Variants in ADGRV1 observed in about 807,000 individuals in gnomAD.
The protein encoded by ADGRV1 is G-protein coupled receptor 98.
In ADGRV1, 359 loss-of-function variants were observed where a neutral mutation model predicts 596.2. The ratio of observed to expected loss-of-function variants is 0.60; its 90% confidence interval spans 0.55 to 0.66. The LOEUF (loss-of-function observed/expected upper bound fraction) is 0.66, where lower values mean the gene tolerates loss of function less well. ADGRV1 is among the 30% of genes least tolerant of loss of function. The pLI, the probability that ADGRV1 is intolerant of heterozygous loss-of-function variation, is 0.00. For missense variants in ADGRV1, 7,274 were observed against 7,575.6 expected (o/e 0.96, Z 1.48); for synonymous variants, 2,681 against 2,679.2 (o/e 1.00, Z -0.02).
In ADGRV1 at chr5:90,961,046, G is replaced by A. The variant is rs1367692370; in HGVS notation, c.17857-4369G>A. Reference sequence around the variant, plus strand: ...TACTTGTCACATTTTATTGTATCATGTGTCTAGCTTCACCCTTAGGCACCC... The same window carrying A: ...TACTTGTCACATTTTATTGTATCATATGTCTAGCTTCACCCTTAGGCACCC... On this transcript the variant is annotated intron_variant, in intron 83 of 89. Coordinates refer to ENST00000405460, the MANE Select transcript of ADGRV1 (RefSeq NM_032119.4). 3.3e-5 allele frequency among the ~76,000 whole-genome samples: 5 copies of A among 152,068 alleles called. No homozygotes were observed. In the South Asian group the frequency reaches 8.3e-4, roughly 25 times the overall value.
chr5:90,845,467 A>G lies in ADGRV1; in HGVS notation c.17020-3170A>G, dbSNP rs112273591. 5.4e-3 allele frequency among the ~76,000 whole-genome samples: 816 copies of G among 152,234 alleles called. 10 individuals carry two copies. The highest frequency in any genetic ancestry group is 0.019 in the African/African-American group (774 of 41,550). On this transcript the variant is annotated intron_variant, in intron 78 of 89. Transcript: ENST00000405460. ...TGGGTAGCCATAGAATGCCTGGATC[A>G]CAGCCTTTAATTCTTACAATTCTGA...
chr5:90,965,851 C>CA (rs1778410737), intron 84 of ADGRV1, among the ~76,000 whole-genome samples: 1 of 151,968 alleles, frequency 6.6e-6, no homozygotes, highest in South Asian at 2.1e-4. Context: ...TGATTTTAAG[C>CA]AAAGGAGTGA....
Position 90,705,553 on chromosome 5 carries a change from T to G in ADGRV1, c.8540T>G (p.Phe2847Cys). ...LQEANITIQL[F>C]INREFGSLGA... ...GAGGCTAACATAACAATTCAGCTTT[T>G]CATCAACAGAGAATTTGGATCTCTA... The change falls in exon 37 of 90, where the codon TTC becomes TGC. Residue 2847 changes from phenylalanine (F) to cysteine (C), a missense_variant. Around this residue, in one of 5 missense-constraint regions of ADGRV1, gnomAD observed 3,643 missense variants for 3,809.2 expected, o/e 0.96. Coordinates refer to ENST00000405460, the MANE Select transcript of ADGRV1 (RefSeq NM_032119.4). 3.7e-6 allele frequency: 6 copies of G among 1,613,806 alleles called. No homozygotes were observed. Among genetic ancestry groups the G allele is most frequent in the Non-Finnish European group, 5.1e-6 (6 of 1,179,778 alleles).
chr5:91,133,724 T>C (rs998308436), intron 87 of ADGRV1, among the ~76,000 whole-genome samples: 17 of 152,376 alleles, frequency 1.1e-4, no homozygotes, highest in African/African-American at 3.6e-4. Context: ...TGCTGGTTCT[T>C]ATATCTTAAA....
intron 83 of ADGRV1, among the ~76,000 whole-genome samples, chr5:90,929,001 A>G (rs984656926): frequency 2.7e-5 from 4 of 149,502 alleles, no homozygotes; most frequent in African/African-American, 9.9e-5. Flanking sequence ...TCAGATCTCC[A>G]GCTGCGTGCT....
chr5:90,960,030 T>C (rs1777857125), intron 83 of ADGRV1, among the ~76,000 whole-genome samples: 1 of 151,050 alleles, frequency 6.6e-6, no homozygotes, highest in Non-Finnish European at 1.5e-5. Flanking sequence ...TCCCAGCTAC[T>C]CGGGAGGCTG....
chr5:90,967,920 A>C (rs2150977640), intron 84 of ADGRV1, among the ~76,000 whole-genome samples: 1 of 152,352 alleles, frequency 6.6e-6, no homozygotes, highest in Admixed American at 6.5e-5. Flanking sequence ...TGATAGCAGT[A>C]TGGAAGCAGA....
chr5:90,862,360 AC>A (rs1767684259), intron 82 of ADGRV1, among the ~76,000 whole-genome samples: 1 of 148,682 alleles, frequency 6.7e-6, no homozygotes, highest in Non-Finnish European at 1.5e-5. Flanking sequence ...TATTACTCAC[AC>A]ACACACACAC....
At chr5:90,614,686 T>G (rs1334817077) in intron 1 of ADGRV1, 149 bp from the exon 2 acceptor site, 3 of 704,408 alleles carry the variant, frequency 4.3e-6, no homozygotes, top group Non-Finnish European at 7.7e-6. Context: ...GTCACATATT[T>G]GAGTTTGATG....
At chr5:90,705,779 A>G (rs1748508861) in intron 37 of ADGRV1, among the ~76,000 whole-genome samples, 200 bp downstream of exon 37, 1 of 152,250 alleles carries the variant, frequency 6.6e-6, no homozygotes, top group Non-Finnish European at 1.5e-5. Context: ...CTGTGTAATT[A>G]ACAAACATAA....
At chr5:90,743,471 CTTT>C (rs10942607) in intron 50 of ADGRV1, among the ~76,000 whole-genome samples, 27 of 120,906 alleles carry the variant, frequency 2.2e-4, no homozygotes, top group African/African-American at 5.0e-4. Context: ...CATTTGATAT[CTTT>C]TTTTTTTTTT....
chr5:91,099,235 G>A (rs374447956), intron 86 of ADGRV1, among the ~76,000 whole-genome samples: 95 of 151,746 alleles, frequency 6.3e-4, no homozygotes, highest in African/African-American at 2.0e-3. Context: ...GCATATATCA[G>A]CACGGTCCCT....
At chr5:90,738,094 A>G (rs1753481296) in intron 50 of ADGRV1, among the ~76,000 whole-genome samples, 1 of 152,020 alleles carries the variant, frequency 6.6e-6, no homozygotes, top group African/African-American at 2.4e-5. Context: ...TTGCTTCCAC[A>G]GTAGTTTTCT....
At chr5:91,149,038 A>G (rs1185010506) in intron 87 of ADGRV1, among the ~76,000 whole-genome samples, 1 of 152,164 alleles carries the variant, frequency 6.6e-6, no homozygotes, top group Non-Finnish European at 1.5e-5. Context: ...TCCCCATCAT[A>G]TCTAGGAAGC....
chr5:90,814,230 C>T (rs1762698412), intron 74 of ADGRV1, among the ~76,000 whole-genome samples: 1 of 152,188 alleles, frequency 6.6e-6, no homozygotes, highest in South Asian at 2.1e-4. Context: ...AAATGTAGCC[C>T]ATCACTTGCA....
At chr5:90,659,187 A>G (rs1469516320) in intron 21 of ADGRV1, among the ~76,000 whole-genome samples, 1 of 152,210 alleles carries the variant, frequency 6.6e-6, no homozygotes, top group Non-Finnish European at 1.5e-5. Flanking sequence ...GAAATAGCAT[A>G]TCCTAGACTA....
At chr5:91,153,132 G>A (rs1166723933) in intron 88 of ADGRV1, 89 bp from the exon 89 acceptor site, 4 of 1,047,680 alleles carry the variant, frequency 3.8e-6, no homozygotes, top group Middle Eastern at 2.0e-4. Context: ...GTACGGAGAG[G>A]CAGAGATCAA....
At chr5:90,655,553 A>T (rs570776579) in intron 20 of ADGRV1, 1 of 152,190 alleles carries the variant, frequency 6.6e-6, no homozygotes, top group Non-Finnish European at 1.5e-5. Flanking sequence ...ATTTCTGTTG[A>T]GCACATTCCT....
At chr5:90,604,959 A>T (rs1761891855) in intron 1 of ADGRV1, among the ~76,000 whole-genome samples, 1 of 152,188 alleles carries the variant, frequency 6.6e-6, no homozygotes, top group Admixed American at 6.5e-5. Context: ...TCTGGAATTA[A>T]AGCTTCTCTA....
Sources: gnomAD v4.1 joint callset for allele counts (sites outside exome capture counted in the v4.1 genomes callset) on GRCh38, gnomAD v4.1.1 for gene constraint, gnomAD v4.1.1 regional missense constraint, MANE v1.5 for transcripts, NCBI Gene and HGNC (gene_info 2026-07-23, HGNC 2026-07-21) for gene names.